Variants in PLCG2 observed in about 807,000 individuals in gnomAD.
PLCG2 encodes phospholipase C gamma 2.
In PLCG2, 69 loss-of-function variants were observed where a neutral mutation model predicts 175.6. That is an observed-to-expected ratio of 0.39 (90% CI 0.32 to 0.48). The LOEUF (loss-of-function observed/expected upper bound fraction) is 0.48. Among genes scored for constraint, PLCG2 ranks in the 20% least tolerant of loss-of-function variants. PLCG2 has a pLI of 0.91. For synonymous variants in PLCG2, 827 were observed against 624.0 expected (o/e 1.33, Z -4.85); for missense variants, 1,798 against 1,650.9 (o/e 1.09, Z -1.54).
At chr16:81,931,015 A>G (rs1359339618) in intron 24 of PLCG2, among the ~76,000 whole-genome samples, 1 of 152,190 alleles carries the variant, frequency 6.6e-6, no homozygotes, top group African/African-American at 2.4e-5. Flanking sequence ...AAAGATATTC[A>G]GTGTTTCTTT....
intron 2 of PLCG2, among the ~76,000 whole-genome samples, chr16:81,851,771 C>T (rs949446076): frequency 6.6e-6 from 1 of 152,194 alleles, no homozygotes; most frequent in African/African-American, 2.4e-5. Context: ...CCTTGGCCTC[C>T]CAAAGTGCTG....
chr16:81,938,007 T>G, intron 28 of PLCG2, 104 bp downstream of exon 28: 1 of 1,070,152 alleles, frequency 9.3e-7, no homozygotes, highest in South Asian at 1.5e-5. Flanking sequence ...GGAGGCTGGT[T>G]GTCTTGTTTA....
intron 2 of PLCG2, among the ~76,000 whole-genome samples, chr16:81,831,598 C>A (rs1435072437): frequency 6.6e-6 from 1 of 152,160 alleles, no homozygotes; most frequent in Non-Finnish European, 1.5e-5. Context: ...CTGACCAGTG[C>A]TGGGAAAGAG....
intron 5 of PLCG2, among the ~76,000 whole-genome samples, chr16:81,860,178 T>TATTATTATTA (rs1285440736): frequency 2.5e-4 from 28 of 113,884 alleles, no homozygotes; most frequent in South Asian, 1.1e-3. Context: ...TATTATTTTT[T>TATTATTATTA]TTTTTTTTTG....
At chr16:81,833,061 G>A (rs1414383567) in intron 2 of PLCG2, among the ~76,000 whole-genome samples, 1 of 152,368 alleles carries the variant, frequency 6.6e-6, no homozygotes, top group Non-Finnish European at 1.5e-5. Context: ...CTCTCAGAGA[G>A]GGGGTGTCTT....
intron 2 of PLCG2, among the ~76,000 whole-genome samples, chr16:81,769,433 A>G (rs1031832775): frequency 1.3e-5 from 2 of 152,188 alleles, no homozygotes; most frequent in African/African-American, 4.8e-5. Flanking sequence ...CAGTAAGGCC[A>G]ATAACTCCCG....
chr16:81,801,100 C>T (rs1370122461), intron 2 of PLCG2, among the ~76,000 whole-genome samples: 1 of 152,114 alleles, frequency 6.6e-6, no homozygotes, highest in Non-Finnish European at 1.5e-5. Context: ...TGCTCGTCTC[C>T]AGAGCTGCAA....
rs190910518 is a variant in PLCG2, at chr16:81,940,924, G to A, written c.3481+865G>A. ...AATTTTCCTTCTTCCTCTTCCTTTA[G>A]TATTTCTGATGCATGGTGCATGAGA... On this transcript the variant is annotated intron_variant, in intron 30 of 32. Coordinates refer to ENST00000564138, the MANE Select transcript of PLCG2 (RefSeq NM_002661.5). 1.1e-4 allele frequency among the ~76,000 whole-genome samples: 16 copies of A among 152,168 alleles called. No homozygotes were observed. In the East Asian group the frequency reaches 2.9e-3, roughly 28 times the overall value.
chr16:81,947,840 G>T (rs1489630089), intron 31 of PLCG2, among the ~76,000 whole-genome samples: 1 of 152,162 alleles, frequency 6.6e-6, no homozygotes, highest in African/African-American at 2.4e-5. Context: ...AAAGGTGGGG[G>T]AGTTGAAAAG....
At chr16:81,778,025 A>G (rs1458670240), upstream of PLCG2, among the ~76,000 whole-genome samples, 1 of 60,620 alleles carries the variant, frequency 1.6e-5, no homozygotes, top group Non-Finnish European at 3.3e-5. Flanking sequence ...TCAAAAAAAA[A>G]AAAAAACAAA....
At position 81,947,530 on chromosome 16, in the gene PLCG2, T is replaced by G. The variant is rs4480798; in HGVS notation, c.3570+1267T>G. 8.2e-3 allele frequency among the ~76,000 whole-genome samples: 1,252 copies of G among 152,214 alleles called. 14 individuals are homozygous for G. The highest frequency in any genetic ancestry group is 0.027 in the African/African-American group (1,135 of 41,522). ...GTCATACCTTTTATTTATCACCATATCCTCTGGAAGCCAGGGAGAAACTCT... is the reference window on the plus strand; with the variant it reads ...GTCATACCTTTTATTTATCACCATAGCCTCTGGAAGCCAGGGAGAAACTCT... On this transcript the variant is annotated intron_variant, in intron 31 of 32. Transcript: ENST00000564138.
intron 6 of PLCG2, among the ~76,000 whole-genome samples, chr16:81,870,188 A>T (rs1907446550): frequency 6.6e-6 from 1 of 152,228 alleles, no homozygotes; most frequent in Admixed American, 6.5e-5. Context: ...ATTGATTGCT[A>T]CACAGTTGCC....
At chr16:81,888,515 C>G (rs7206344) in intron 9 of PLCG2, among the ~76,000 whole-genome samples, 56,184 of 152,154 alleles carry the variant, frequency 0.37, 10,934 homozygotes, top group East Asian at 0.61. Flanking sequence ...TTCTGTGCAC[C>G]AGGTGCTGCA....
chr16:81,863,814 C>T (rs749789332), intron 5 of PLCG2, among the ~76,000 whole-genome samples: 2 of 152,164 alleles, frequency 1.3e-5, no homozygotes, highest in African/African-American at 2.4e-5. Flanking sequence ...GTCCTTTAGC[C>T]CTGGCAGGGA....
chr16:81,816,780 G>A (rs912013252), intron 2 of PLCG2, among the ~76,000 whole-genome samples: 3 of 145,818 alleles, frequency 2.1e-5, no homozygotes, highest in Non-Finnish European at 4.5e-5. Context: ...GGGATTACAG[G>A]CATTAGCCAC....
intron 19 of PLCG2, among the ~76,000 whole-genome samples, chr16:81,917,871 G>A (rs1011866459): frequency 3.9e-5 from 6 of 152,156 alleles, no homozygotes; most frequent in East Asian, 3.9e-4. Context: ...ACAGGTGCCC[G>A]CCACTGCGCC....
At chr16:81,910,121 C>T (rs770275856) in intron 17 of PLCG2, among the ~76,000 whole-genome samples, 3 of 152,062 alleles carry the variant, frequency 2.0e-5, no homozygotes, top group Non-Finnish European at 2.9e-5. Context: ...GATGGAGTCT[C>T]GCTCTGTCGC....
chr16:81,746,048 A>G (rs1254122149), intron 1 of PLCG2, among the ~76,000 whole-genome samples: 1 of 152,168 alleles, frequency 6.6e-6, no homozygotes. Flanking sequence ...ATGTCACAGA[A>G]CCAGGGAAGG....
intron 2 of PLCG2, among the ~76,000 whole-genome samples, chr16:81,756,973 C>T (rs748522217): frequency 6.6e-6 from 1 of 152,160 alleles, no homozygotes; most frequent in Non-Finnish European, 1.5e-5. Flanking sequence ...CTACTTGCTG[C>T]TACTTTGGGC....
Sources: allele counts gnomAD v4.1 joint callset (sites outside exome capture counted in the v4.1 genomes callset), GRCh38; gene constraint gnomAD v4.1.1; transcripts MANE v1.5; gene names NCBI Gene and HGNC (gene_info 2026-07-23, HGNC 2026-07-21).